PCDHA11: variants seen among roughly 807,000 people sequenced by gnomAD.
The protein encoded by PCDHA11 is protocadherin alpha-11.
In PCDHA11, 61 loss-of-function variants were observed where a neutral mutation model predicts 70.3. That is an observed-to-expected ratio of 0.87 (90% CI 0.71 to 1.07). PCDHA11 has a LOEUF of 1.07. Among genes scored for constraint, PCDHA11 ranks in the 50% least tolerant of loss-of-function variants. The pLI is 0.00. For synonymous variants in PCDHA11, 633 were observed against 555.1 expected (o/e 1.14, Z -1.97); for missense variants, 1,324 against 1,237.5 (o/e 1.07, Z -1.05).
intron 1 of PCDHA11, among the ~76,000 whole-genome samples, chr5:140,964,979 G>A (rs1325298604): frequency 1.3e-5 from 2 of 152,204 alleles, no homozygotes; most frequent in African/African-American, 4.8e-5. Flanking sequence ...GGATGTGCTA[G>A]TTCAGGCCTT....
In PCDHA11 at chr5:140,877,367, G is replaced by C. The variant is rs201967192; in HGVS notation, c.2391+5873G>C. On this transcript the variant is annotated intron_variant, in intron 1 of 3. Transcript: ENST00000398640. ...GTGGGGCTGTACACTGGCGAGATCA[G>C]CACGACACGCATCCTGGATGAGGCG... is the stretch of plus-strand genomic sequence containing the variant. 1.0e-4 allele frequency: 167 copies of C among 1,614,018 alleles called. No homozygotes were observed. The highest frequency in any genetic ancestry group is 4.9e-4 in the Middle Eastern group (3 of 6,062).
At chr5:140,966,470 T>G (rs782674249) in intron 1 of PCDHA11, 26 of 431,180 alleles carry the variant, frequency 6.0e-5, no homozygotes, top group Non-Finnish European at 9.3e-5. Context: ...TCTTCCCTTC[T>G]GTTTCCTTTT....
chr5:140,911,477 T>A (rs1457881834), intron 1 of PCDHA11, among the ~76,000 whole-genome samples: 2 of 152,132 alleles, frequency 1.3e-5, no homozygotes, highest in Non-Finnish European at 2.9e-5. Context: ...AGACTCTCAC[T>A]CAGGGCAATC....
chr5:140,894,293 T>A (rs782004160), intron 1 of PCDHA11, among the ~76,000 whole-genome samples: 1 of 152,100 alleles, frequency 6.6e-6, no homozygotes, highest in Non-Finnish European at 1.5e-5. Context: ...TGAAGTTTAT[T>A]TTCCTGGAAA....
intron 1 of PCDHA11, among the ~76,000 whole-genome samples, chr5:140,932,550 A>T (rs552367725): frequency 2.6e-5 from 4 of 152,058 alleles, no homozygotes; most frequent in Admixed American, 2.0e-4. Context: ...TTTAACATAC[A>T]TTCCACAAGT....
chr5:140,969,636 T>C (rs2096349824), intron 1 of PCDHA11: 1 of 212,100 alleles, frequency 4.7e-6, no homozygotes, highest in Non-Finnish European at 8.1e-6. Context: ...GGACAGGCCT[T>C]GGAATAGGGA....
intron 1 of PCDHA11, chr5:140,876,602 G>A (rs572945874): frequency 6.2e-7 from 1 of 1,614,180 alleles, no homozygotes; most frequent in Non-Finnish European, 8.5e-7. Flanking sequence ...GTGTCGGATC[G>A]TGACTCTGGA....
intron 1 of PCDHA11, among the ~76,000 whole-genome samples, chr5:140,937,187 G>A (rs1443565443): frequency 6.6e-6 from 1 of 151,764 alleles, no homozygotes; most frequent in Non-Finnish European, 1.5e-5. Context: ...ACAGGCGCCC[G>A]CCACCATGCC....
intron 3 of PCDHA11, among the ~76,000 whole-genome samples, chr5:141,006,206 AT>A (rs1178693799): frequency 1.4e-5 from 2 of 147,854 alleles, no homozygotes. Flanking sequence ...GTTATGCCTC[AT>A]TTTTTTTTAA....
intron 3 of PCDHA11, among the ~76,000 whole-genome samples, chr5:141,008,360 G>C (rs569459357): frequency 6.6e-6 from 1 of 152,220 alleles, no homozygotes; most frequent in South Asian, 2.1e-4. Flanking sequence ...TCAACCAAAG[G>C]AGCAGTGTTA....
chr5:140,881,659 T>C (rs2058783076), intron 1 of PCDHA11, among the ~76,000 whole-genome samples: 1 of 152,240 alleles, frequency 6.6e-6, no homozygotes, highest in African/African-American at 2.4e-5. Flanking sequence ...CTTCACCGAT[T>C]TTATTCTTAT....
chr5:140,905,472 C>T (rs782287736), intron 1 of PCDHA11, among the ~76,000 whole-genome samples: 14 of 152,042 alleles, frequency 9.2e-5, no homozygotes, highest in Non-Finnish European at 1.6e-4. Flanking sequence ...TAATGTGATG[C>T]CTTCAGATTT....
chr5:140,964,238 T>G (rs1354844619), intron 1 of PCDHA11, among the ~76,000 whole-genome samples: 1 of 152,208 alleles, frequency 6.6e-6, no homozygotes, highest in Admixed American at 6.5e-5. Flanking sequence ...AGGCTGATTG[T>G]GTTGGCTTTA....
In PCDHA11 at chr5:140,883,981, C is replaced by T. The variant is rs781859248; in HGVS notation, c.2391+12487C>T. 9.3e-6 allele frequency: 15 copies of T among 1,612,896 alleles called. No homozygotes were observed. In the South Asian group the frequency reaches 1.5e-4, roughly 17 times the overall value. ...CGGCGCTGCTGACGCCCGGGGCTGG[C>T]AGCGCGGGAGGCACAGTGAGCGAGC... On this transcript the variant is annotated intron_variant, in intron 1 of 3. Coordinates refer to ENST00000398640, the MANE Select transcript of PCDHA11 (RefSeq NM_018902.5).
intron 1 of PCDHA11, chr5:140,884,420 T>A: frequency 1.2e-6 from 2 of 1,613,972 alleles, no homozygotes; most frequent in Non-Finnish European, 8.5e-7. Context: ...GTTGCTGCTG[T>A]ATACTGCGCT....
At chr5:140,928,885 C>T in intron 1 of PCDHA11, 1 of 1,614,194 alleles carries the variant, frequency 6.2e-7, no homozygotes, top group Non-Finnish European at 8.5e-7. Context: ...TCAGTTACTT[C>T]CAGACTTTGA....
intron 1 of PCDHA11, among the ~76,000 whole-genome samples, chr5:140,926,157 C>T (rs1264983904): frequency 4.0e-5 from 6 of 151,736 alleles, no homozygotes; most frequent in Non-Finnish European, 8.8e-5. Flanking sequence ...GAAAGCTCTG[C>T]AGCAGGATCC....
At chr5:140,988,556 C>A (rs574182013) in intron 3 of PCDHA11, among the ~76,000 whole-genome samples, 1 of 152,158 alleles carries the variant, frequency 6.6e-6, no homozygotes, top group South Asian at 2.1e-4. Flanking sequence ...TCTTCATCTT[C>A]TTCTTGGGAA....
At chr5:140,922,858 G>C (rs1363202579) in intron 1 of PCDHA11, among the ~76,000 whole-genome samples, 1 of 152,124 alleles carries the variant, frequency 6.6e-6, no homozygotes, top group Non-Finnish European at 1.5e-5. Flanking sequence ...CAAATACATA[G>C]ACAAGGGGAA....
Sources: allele counts gnomAD v4.1 joint callset (sites outside exome capture counted in the v4.1 genomes callset), GRCh38; gene constraint gnomAD v4.1.1; transcripts MANE v1.5; gene names NCBI Gene and HGNC (gene_info 2026-07-23, HGNC 2026-07-21).